Variants in AMPH observed in about 807,000 individuals in gnomAD.
AMPH encodes the protein amphiphysin.
In AMPH, 49 loss-of-function variants were observed where a neutral mutation model predicts 99.1. The ratio of observed to expected loss-of-function variants is 0.49; its 90% CI spans 0.39 to 0.63. The LOEUF (loss-of-function observed/expected upper bound fraction) is 0.63, where lower values mean the gene tolerates loss of function less well. Among genes scored for constraint, AMPH ranks in the 20% least tolerant of loss-of-function variants. The pLI is 0.00. For missense variants in AMPH, 759 were observed against 863.4 expected, an observed-to-expected ratio of 0.88 and a Z score of 1.52; for synonymous variants, 314 against 317.3, an observed-to-expected ratio of 0.99 and a Z score of 0.11.
intron 14 of AMPH, chr7:38,427,910 A>G (rs34181423): frequency 0.054 from 24,460 of 456,608 alleles, 850 homozygotes; most frequent in South Asian, 0.094. Context: ...CTTCAGATAA[A>G]TCTGAGTTGT....
At chr7:38,439,419 G>A (rs1340659959) in intron 11 of AMPH, among the ~76,000 whole-genome samples, 1 of 152,068 alleles carries the variant, frequency 6.6e-6, no homozygotes. Context: ...ATCCCTTAAG[G>A]TACTCATGTC....
chr7:38,420,764 G>A, intron 16 of AMPH: 1 of 307,948 alleles, frequency 3.2e-6, no homozygotes, highest in South Asian at 2.9e-5. Context: ...AATTTAGTGA[G>A]AACTCCAAAG....
intron 2 of AMPH, among the ~76,000 whole-genome samples, chr7:38,505,938 T>A (rs1237026664): frequency 6.6e-6 from 1 of 152,184 alleles, no homozygotes; most frequent in African/African-American, 2.4e-5. Flanking sequence ...TGGAGAAAGA[T>A]CATACTTCCT....
intron 15 of AMPH, among the ~76,000 whole-genome samples, chr7:38,424,375 C>T (rs1785706195): frequency 6.6e-6 from 1 of 152,036 alleles, no homozygotes; most frequent in Non-Finnish European, 1.5e-5. Context: ...AAAAATAATT[C>T]AAAATGATTA....
In AMPH at chr7:38,441,860, CATATATATCAT is replaced by C. The variant is rs1230727432; in HGVS notation, c.1018-5483_1018-5473del. 2.4e-4 allele frequency among the ~76,000 whole-genome samples: 21 copies of C among 89,228 alleles called. 2 individuals are homozygous for C. The highest frequency in any genetic ancestry group is 1.1e-3 in the African/African-American group (21 of 19,264). 58.5% of individuals were successfully genotyped at this position (89,228 alleles called of 152,430 possible). ...CATATATCATATATATCATATATATCATATATATCATATATATATCATATACATACACACAC... is the reference window on the plus strand; with the variant it reads ...CATATATCATATATATCATATATATCATATATATCATATACATACACACAC... On this transcript the variant is annotated intron_variant, in intron 11 of 20. Transcript: ENST00000356264.
intron 1 of AMPH, among the ~76,000 whole-genome samples, chr7:38,571,535 AT>A (rs1792036612): frequency 7.3e-6 from 1 of 137,694 alleles, no homozygotes; most frequent in South Asian, 2.1e-4. Context: ...AAATATATAT[AT>A]TCTGTATAAA....
chr7:38,575,871 A>C (rs964837311), intron 1 of AMPH, among the ~76,000 whole-genome samples: 1 of 152,178 alleles, frequency 6.6e-6, no homozygotes, highest in Non-Finnish European at 1.5e-5. Flanking sequence ...AATTCACCTG[A>C]AATCAGAGCC....
intron 1 of AMPH, among the ~76,000 whole-genome samples, chr7:38,564,472 T>TG (rs766115586): frequency 2.6e-5 from 4 of 152,010 alleles, no homozygotes; most frequent in South Asian, 2.1e-4. Context: ...AGAGCACAGG[T>TG]GAGAAGAGAA....
At chr7:38,465,318 G>A in intron 9 of AMPH, 149 bp downstream of exon 9, 4 of 629,894 alleles carry the variant, frequency 6.4e-6, no homozygotes, top group Non-Finnish European at 1.1e-5. Flanking sequence ...AAATGTAAAA[G>A]CACAAAAATA....
At chr7:38,534,866 T>C in intron 2 of AMPH, 65 bp downstream of exon 2, 1 of 1,393,342 alleles carries the variant, frequency 7.2e-7, no homozygotes. Flanking sequence ...GCATTTTACT[T>C]ACATACTAAG....
intron 1 of AMPH, among the ~76,000 whole-genome samples, chr7:38,551,883 G>A (rs1441658786): frequency 6.6e-6 from 1 of 152,228 alleles, no homozygotes; most frequent in East Asian, 1.9e-4. Flanking sequence ...GGGTGCAAGA[G>A]CAACTGAAAT....
At chr7:38,550,742 G>A (rs541686452) in intron 1 of AMPH, among the ~76,000 whole-genome samples, 4 of 152,240 alleles carry the variant, frequency 2.6e-5, no homozygotes, top group East Asian at 3.9e-4. Flanking sequence ...AGCAGAGGAC[G>A]GAAATATTTC....
At chr7:38,451,664 A>G (rs1787044128) in intron 11 of AMPH, among the ~76,000 whole-genome samples, 1 of 152,160 alleles carries the variant, frequency 6.6e-6, no homozygotes, top group Non-Finnish European at 1.5e-5. Context: ...GTAAACTGTG[A>G]AAAATCAAAA....
intron 3 of AMPH, among the ~76,000 whole-genome samples, chr7:38,501,308 A>G (rs1789127049): frequency 6.6e-6 from 1 of 152,162 alleles, no homozygotes; most frequent in African/African-American, 2.4e-5. Flanking sequence ...CTCCTGCCTA[A>G]GCCTCCTGAG....
At chr7:38,400,200 C>T (rs770382108) in intron 17 of AMPH, among the ~76,000 whole-genome samples, 21 of 152,136 alleles carry the variant, frequency 1.4e-4, no homozygotes, top group Non-Finnish European at 2.5e-4. Context: ...CTCAGTCTCC[C>T]GAGTAGCTGG....
intron 2 of AMPH, among the ~76,000 whole-genome samples, chr7:38,534,705 G>T (rs561887973): frequency 1.3e-5 from 2 of 152,190 alleles, no homozygotes; most frequent in South Asian, 4.1e-4. Flanking sequence ...AAAAGCTAAA[G>T]CAGTCCAGGA....
chr7:38,436,121 C>T (rs1032379080), intron 12 of AMPH, 151 bp downstream of exon 12: 7 of 615,774 alleles, frequency 1.1e-5, no homozygotes, highest in Non-Finnish European at 2.0e-5. Flanking sequence ...AGATAAGGTC[C>T]CCTTTCTACC....
At chr7:38,485,302 G>C (rs1788446863) in intron 5 of AMPH, among the ~76,000 whole-genome samples, 1 of 151,826 alleles carries the variant, frequency 6.6e-6, no homozygotes. Context: ...CCATGCAAAT[G>C]GTAACCAGAA....
intron 1 of AMPH, among the ~76,000 whole-genome samples, chr7:38,578,774 A>C (rs1046601911): frequency 9.9e-5 from 15 of 152,204 alleles, no homozygotes; most frequent in African/African-American, 3.6e-4. Context: ...TTTCTAAAAA[A>C]TACAAAAAAC....
Sources: gnomAD v4.1 joint callset for allele counts (sites outside exome capture counted in the v4.1 genomes callset) on GRCh38, gnomAD v4.1.1 for gene constraint, MANE v1.5 for transcripts, NCBI Gene and HGNC (gene_info 2026-07-23, HGNC 2026-07-21) for gene names.